KCNAB1: variants seen among roughly 807,000 people sequenced by gnomAD.
KCNAB1 encodes potassium voltage-gated channel subfamily A regulatory beta subunit 1, also known as voltage-gated potassium channel subunit beta-1.
A neutral mutation model predicts 64.6 loss-of-function variants in KCNAB1; 35 were observed. The observed-to-expected ratio is 0.54, with a 90% confidence interval of 0.41 to 0.72. The LOEUF (loss-of-function observed/expected upper bound fraction) is 0.72, where lower values mean the gene tolerates loss of function less well. Among genes scored for constraint, KCNAB1 ranks in the 30% least tolerant of loss-of-function variants. The pLI is 0.00. For synonymous variants in KCNAB1, 177 were observed against 183.8 expected, an observed-to-expected ratio of 0.96 and a Z score of 0.30; for missense variants, 401 against 512.9, an observed-to-expected ratio of 0.78 and a Z score of 2.11.
intron 1 of KCNAB1, among the ~76,000 whole-genome samples, chr3:156,294,649 A>G (rs560905160): frequency 1.6e-4 from 25 of 152,346 alleles, no homozygotes; most frequent in African/African-American, 5.0e-4. Context: ...ATGCCATAGA[A>G]TAGGGAAGAT....
intron 1 of KCNAB1, among the ~76,000 whole-genome samples, chr3:156,159,270 C>T (rs1379065092): frequency 6.6e-6 from 1 of 152,120 alleles, no homozygotes; most frequent in Admixed American, 6.5e-5. Flanking sequence ...CTCTAAAACT[C>T]TGACTTCTTA....
At chr3:156,267,234 C>T (rs1718773757) in intron 1 of KCNAB1, among the ~76,000 whole-genome samples, 1 of 152,102 alleles carries the variant, frequency 6.6e-6, no homozygotes, top group Non-Finnish European at 1.5e-5. Context: ...GCATAGTGAA[C>T]ATTTTCCCAT....
intron 2 of KCNAB1, among the ~76,000 whole-genome samples, chr3:156,438,462 T>C (rs962700735): frequency 1.3e-5 from 2 of 152,238 alleles, no homozygotes; most frequent in Non-Finnish European, 2.9e-5. Context: ...TAATAAGTAA[T>C]ACATTTTTCT....
chr3:156,486,362 G>C (rs1715216588), intron 8 of KCNAB1, among the ~76,000 whole-genome samples: 1 of 152,140 alleles, frequency 6.6e-6, no homozygotes, highest in Non-Finnish European at 1.5e-5. Context: ...AGAGAGGGGA[G>C]TAAAGGGGGT....
intron 1 of KCNAB1, among the ~76,000 whole-genome samples, chr3:156,208,239 T>A (rs760576760): frequency 6.6e-6 from 1 of 152,172 alleles, no homozygotes; most frequent in African/African-American, 2.4e-5. Flanking sequence ...AGGTTGCCGC[T>A]GCTCCTACTT....
chr3:156,307,240 C>T (rs1721552890), intron 1 of KCNAB1, among the ~76,000 whole-genome samples: 1 of 152,152 alleles, frequency 6.6e-6, no homozygotes, highest in African/African-American at 2.4e-5. Flanking sequence ...AGGACATATG[C>T]TTCATACTGC....
chr3:156,162,740 G>A (rs948981060), intron 1 of KCNAB1, among the ~76,000 whole-genome samples: 19 of 152,088 alleles, frequency 1.2e-4, no homozygotes, highest in African/African-American at 4.6e-4. Flanking sequence ...ACACCAAAGA[G>A]CTTGACCCTG....
At chr3:156,396,625 C>A (rs1713484595) in intron 1 of KCNAB1, among the ~76,000 whole-genome samples, 1 of 152,218 alleles carries the variant, frequency 6.6e-6, no homozygotes, top group African/African-American at 2.4e-5. Context: ...GGGCTTAAAT[C>A]TTTCTGACAA....
At chr3:156,341,326 T>C (rs1252316446) in intron 1 of KCNAB1, among the ~76,000 whole-genome samples, 1 of 152,214 alleles carries the variant, frequency 6.6e-6, no homozygotes, top group Non-Finnish European at 1.5e-5. Context: ...GTTAAGTTCT[T>C]CTGAGGCACA....
At chr3:156,120,916 G>A in intron 1 of KCNAB1, 30 bp downstream of exon 1, 1 of 1,606,800 alleles carries the variant, frequency 6.2e-7, no homozygotes, top group South Asian at 1.1e-5. Flanking sequence ...CGCGGGCTTT[G>A]GGAGACGCCG....
intron 1 of KCNAB1, among the ~76,000 whole-genome samples, chr3:156,158,248 A>C (rs1305845327): frequency 6.6e-6 from 1 of 151,280 alleles, no homozygotes; most frequent in Non-Finnish European, 1.5e-5. Flanking sequence ...ATTAAAATAA[A>C]ATTTAACATT....
chr3:156,430,813 T>G (rs1291196533), intron 2 of KCNAB1, among the ~76,000 whole-genome samples: 1 of 152,144 alleles, frequency 6.6e-6, no homozygotes, highest in Non-Finnish European at 1.5e-5. Flanking sequence ...GCACCAAATG[T>G]GTAGGGCCCC....
intron 1 of KCNAB1, among the ~76,000 whole-genome samples, chr3:156,237,645 G>A (rs978584724): frequency 6.6e-6 from 1 of 152,114 alleles, no homozygotes. Context: ...CTTTGCACAT[G>A]TGCTTTCCTT....
At chr3:156,470,992 A>G (rs1713843207) in intron 7 of KCNAB1, among the ~76,000 whole-genome samples, 1 of 152,234 alleles carries the variant, frequency 6.6e-6, no homozygotes, top group South Asian at 2.1e-4. Flanking sequence ...AGGTGTCTCA[A>G]ATTATGATGA....
At chr3:156,472,953 G>A (rs1714040582) in intron 7 of KCNAB1, among the ~76,000 whole-genome samples, 1 of 152,094 alleles carries the variant, frequency 6.6e-6, no homozygotes, top group Non-Finnish European at 1.5e-5. Flanking sequence ...GTTATTTGTA[G>A]CCTCTTCTCC....
chr3:156,421,097 G>C (rs1437656480), intron 1 of KCNAB1, among the ~76,000 whole-genome samples: 3 of 151,734 alleles, frequency 2.0e-5, no homozygotes, highest in African/African-American at 7.3e-5. Flanking sequence ...TTAATATTCT[G>C]TTTTAGAAGT....
At chr3:156,500,990 A>G (rs1446643062) in intron 8 of KCNAB1, among the ~76,000 whole-genome samples, 1 of 152,262 alleles carries the variant, frequency 6.6e-6, no homozygotes, top group African/African-American at 2.4e-5. Flanking sequence ...GGGATAAGAT[A>G]GCCTTCTAAC....
At chr3:156,274,780 A>G (rs1358628514) in intron 1 of KCNAB1, among the ~76,000 whole-genome samples, 2 of 152,242 alleles carry the variant, frequency 1.3e-5, no homozygotes, top group Non-Finnish European at 2.9e-5. Flanking sequence ...ATGATTTGAC[A>G]TATGCATACA....
At chr3:156,453,310 C>G (rs1413859366) in intron 3 of KCNAB1, 1 of 159,940 alleles carries the variant, frequency 6.3e-6, no homozygotes, top group Non-Finnish European at 1.4e-5. Context: ...AGAAGTTTCT[C>G]AGTTATAGTA....
Sources: allele counts gnomAD v4.1 joint callset (sites outside exome capture counted in the v4.1 genomes callset), GRCh38; gene constraint gnomAD v4.1.1; transcripts MANE v1.5; gene names NCBI Gene and HGNC (gene_info 2026-07-23, HGNC 2026-07-21).